The following DISP1 variants were observed in gnomAD, a reference collection of about 807,000 sequenced individuals.
The protein encoded by DISP1 is protein dispatched homolog 1.
Under a neutral mutation model 37.3 loss-of-function variants are expected in DISP1, and 30 were observed. That is an observed-to-expected ratio of 0.80 (90% CI 0.60 to 1.09). DISP1 has a LOEUF of 1.09. Ranked by LOEUF, DISP1 falls within the 50% of genes least tolerant of loss-of-function variation. DISP1 has a pLI of 0.00. For synonymous variants in DISP1, 634 were observed against 690.2 expected, an observed-to-expected ratio of 0.92 and a Z score of 1.28; for missense variants, 1,598 against 1,879.5, an observed-to-expected ratio of 0.85 and a Z score of 2.77.
At chr1:222,854,220 G>A (rs1043779212) in intron 1 of DISP1, among the ~76,000 whole-genome samples, 3 of 152,192 alleles carry the variant, frequency 2.0e-5, no homozygotes, top group African/African-American at 7.2e-5. Context: ...AGGCGTCTTA[G>A]TCCGTTCTCA....
chr1:222,892,148 A>G (rs1182249692), intron 1 of DISP1, among the ~76,000 whole-genome samples: 9 of 152,210 alleles, frequency 5.9e-5, no homozygotes, highest in Non-Finnish European at 1.3e-4. Flanking sequence ...GAAATCAGGA[A>G]AACAGGCAGG....
intron 4 of DISP1, among the ~76,000 whole-genome samples, chr1:222,987,852 T>G (rs1678389694): frequency 6.6e-6 from 1 of 152,168 alleles, no homozygotes; most frequent in South Asian, 2.1e-4. Flanking sequence ...TTCACAGGGC[T>G]GATATTTTAA....
At chr1:222,921,505 T>C (rs1270715736) in intron 1 of DISP1, among the ~76,000 whole-genome samples, 1 of 152,204 alleles carries the variant, frequency 6.6e-6, no homozygotes, top group Non-Finnish European at 1.5e-5. Context: ...TGTTAGCTTC[T>C]GGAGCAACCT....
intron 3 of DISP1, among the ~76,000 whole-genome samples, chr1:222,971,584 T>C (rs926553253): frequency 6.6e-6 from 1 of 152,130 alleles, no homozygotes; most frequent in African/African-American, 2.4e-5. Flanking sequence ...TTGAACACAA[T>C]GTAGACAAAC....
At chr1:222,850,929 T>C (rs34074917) in intron 1 of DISP1, among the ~76,000 whole-genome samples, 29,987 of 152,122 alleles carry the variant, frequency 0.2, 3,565 homozygotes, top group Non-Finnish European at 0.26. Context: ...GGCCCATTGG[T>C]TACTCTTTCC....
Position 223,002,632 on chromosome 1 carries a change from C to A in DISP1, c.1235C>A (p.Thr412Asn). The A allele has an allele frequency of 6.2e-7, 1 of 1,614,186 alleles. No homozygotes were observed. Among genetic ancestry groups the A allele is most frequent in the Non-Finnish European group, 8.5e-7 (1 of 1,180,034 alleles). Residue 412 changes from threonine (T) to asparagine (N), a missense_variant, in exon 9 of 9, where the codon ACC (threonine) becomes AAC (asparagine). By Grantham distance (65) the Thr-to-Asn change is moderately conservative. Transcript: ENST00000675850. ...AGAAGAAAGGACCAGCTCAAGTGCACCAATGTGCCACGCAAATGTACCAAG... is the reference window on the plus strand; with the variant it reads ...AGAAGAAAGGACCAGCTCAAGTGCAACAATGTGCCACGCAAATGTACCAAG... ...AARRKDQLKC[T>N]NVPRKCTKYN...
chr1:222,838,957 G>C (rs1217342987), intron 1 of DISP1, among the ~76,000 whole-genome samples: 1 of 152,054 alleles, frequency 6.6e-6, no homozygotes, highest in African/African-American at 2.4e-5. Context: ...TTTTGTGATA[G>C]GCGCATTCCT....
At chr1:222,852,805 A>T (rs1668341590) in intron 1 of DISP1, among the ~76,000 whole-genome samples, 1 of 152,160 alleles carries the variant, frequency 6.6e-6, no homozygotes, top group South Asian at 2.1e-4. Flanking sequence ...CCTTTTTTTA[A>T]CCACTGATGA....
intron 8 of DISP1, 43 bp from the exon 9 acceptor site, chr1:223,002,342 C>T (rs1490451168): frequency 1.3e-6 from 2 of 1,573,722 alleles, no homozygotes; most frequent in East Asian, 4.5e-5. Flanking sequence ...CGATTGTGAA[C>T]CAATTTAAAC....
At chr1:222,834,680 A>C (rs1666587564) in intron 1 of DISP1, among the ~76,000 whole-genome samples, 1 of 152,184 alleles carries the variant, frequency 6.6e-6, no homozygotes, top group Non-Finnish European at 1.5e-5. Context: ...ATGATAGATA[A>C]GATTATTTTT....
In DISP1 at chr1:223,003,075, C is replaced by A; in HGVS notation, c.1678C>A (p.Leu560Ile). The change falls in exon 9 of 9, where the codon CTC (leucine) becomes ATC (isoleucine). Residue 560 changes from leucine to isoleucine, a missense_variant. Leu to Ile is a conservative substitution (Grantham distance 5). Coordinates refer to ENST00000675850, the MANE Select transcript of DISP1 (RefSeq NM_001377229.1). The surrounding 1 kb of genome is among the most constrained non-coding windows in gnomAD (Gnocchi z 4.3). ...FHFEFFPFMN[L>I]TALIILVGIG... ...CTTCGAATTTTTTCCTTTTATGAAC[C>A]TCACTGCCCTCATTATTTTGGTTGG... 1.9e-6 allele frequency: 3 copies of A among 1,614,062 alleles called. No homozygotes were observed. Among genetic ancestry groups the A allele is most frequent in the South Asian group, 1.1e-5 (1 of 91,068 alleles).
chr1:222,866,320 A>G (rs1230183428), intron 1 of DISP1, among the ~76,000 whole-genome samples: 2 of 134,920 alleles, frequency 1.5e-5, no homozygotes, highest in East Asian at 4.2e-4. Flanking sequence ...TTCCCGGGAT[A>G]GTTTTGTTGT....
At chr1:222,977,106 C>T (rs541057671) in intron 3 of DISP1, among the ~76,000 whole-genome samples, 2 of 152,134 alleles carry the variant, frequency 1.3e-5, no homozygotes, top group African/African-American at 2.4e-5. Flanking sequence ...CTCGGTTCAC[C>T]GCAACCTCCG....
chr1:222,865,883 A>G (rs1332159361), intron 1 of DISP1, among the ~76,000 whole-genome samples: 2 of 152,148 alleles, frequency 1.3e-5, no homozygotes, highest in Non-Finnish European at 2.9e-5. Flanking sequence ...ACTTTTAGCC[A>G]GTTACGTTTT....
At chr1:222,855,566 ACTT>A (rs1668502888) in intron 1 of DISP1, among the ~76,000 whole-genome samples, 1 of 152,112 alleles carries the variant, frequency 6.6e-6, no homozygotes, top group Non-Finnish European at 1.5e-5. Context: ...ATGCCACCAT[ACTT>A]CTTAAGTCAA....
chr1:222,988,057 C>T (rs747998960), intron 4 of DISP1, among the ~76,000 whole-genome samples: 1 of 152,166 alleles, frequency 6.6e-6, no homozygotes, highest in Non-Finnish European at 1.5e-5. Flanking sequence ...CTTCTAGACA[C>T]TTGGTGTTTA....
chr1:222,887,547 G>A lies in DISP1; in HGVS notation c.-158-40883G>A, dbSNP rs535630057. Reference sequence around the variant, plus strand: ...CGCTCTGTTGCCCAGGCCGGACTGCGGACTGCAGTGGCGCAATCTCGGCTC... The same window carrying A: ...CGCTCTGTTGCCCAGGCCGGACTGCAGACTGCAGTGGCGCAATCTCGGCTC... On this transcript the variant is annotated intron_variant, in intron 1 of 8. Coordinates refer to ENST00000675850, the MANE Select transcript of DISP1 (RefSeq NM_001377229.1). Among the ~76,000 whole-genome samples, 9 of 96,934 alleles carry A rather than the reference G, an allele frequency of 9.3e-5. 2 individuals carry two copies. Among genetic ancestry groups the A allele is most frequent in the African/African-American group, 3.0e-4 (8 of 26,404 alleles). 63.6% of individuals were successfully genotyped at this position (96,934 alleles called of 152,430 possible).
At chr1:222,824,840 C>T (rs539368953) in intron 1 of DISP1, among the ~76,000 whole-genome samples, 8 of 152,062 alleles carry the variant, frequency 5.3e-5, no homozygotes, top group Non-Finnish European at 1.2e-4. Context: ...AGAATCCAAG[C>T]TTTGATTAAA....
intron 3 of DISP1, among the ~76,000 whole-genome samples, chr1:222,952,150 A>G (rs1675270601): frequency 1.3e-5 from 2 of 152,212 alleles, no homozygotes; most frequent in Admixed American, 1.3e-4. Context: ...GCAAGAAGGA[A>G]TAGCTAAACT....
Sources: allele counts gnomAD v4.1 joint callset (sites outside exome capture counted in the v4.1 genomes callset), GRCh38; gene constraint gnomAD v4.1.1; non-coding constraint Gnocchi (gnomAD v3.1); transcripts MANE v1.5; gene names NCBI Gene and HGNC (gene_info 2026-07-23, HGNC 2026-07-21).